IFT25: variants seen among roughly 807,000 people sequenced by gnomAD.
IFT25 encodes the protein intraflagellar transport protein 25 homolog.
chr1:53,938,220 T>G, the IFT25 span, among the ~76,000 whole-genome samples: 5 of 152,202 alleles, frequency 3.3e-5, no homozygotes, highest in South Asian at 1.0e-3. Flanking sequence ...CCTATGCAAA[T>G]GTACAGTTAT....
chr1:53,924,042 A>G, the IFT25 span: 1 of 778,832 alleles, frequency 1.3e-6, no homozygotes, highest in Non-Finnish European at 2.2e-6. Context: ...GATATCTGGT[A>G]AATTATGAGA....
the IFT25 span, among the ~76,000 whole-genome samples, chr1:53,934,163 G>A: frequency 1.3e-5 from 2 of 152,060 alleles, no homozygotes; most frequent in Admixed American, 6.6e-5. Flanking sequence ...TCTTCAACCT[G>A]CAGGATTTCC....
At chr1:53,943,717 G>C in the IFT25 span, among the ~76,000 whole-genome samples, 2 of 151,924 alleles carry the variant, frequency 1.3e-5, no homozygotes, top group African/African-American at 4.8e-5. Flanking sequence ...TCTGCCTCCC[G>C]GGCTCAAGCG....
the IFT25 span, among the ~76,000 whole-genome samples, chr1:53,940,785 C>A: frequency 6.6e-6 from 1 of 152,178 alleles, no homozygotes; most frequent in African/African-American, 2.4e-5. Context: ...TCATGGCTCA[C>A]TGCAGCCCTG....
At chr1:53,927,267 C>G in the IFT25 span, among the ~76,000 whole-genome samples, 1 of 152,152 alleles carries the variant, frequency 6.6e-6, no homozygotes, top group African/African-American at 2.4e-5. Flanking sequence ...AATAAGGTGA[C>G]CAGAAATGAG....
chr1:53,940,454 T>A, the IFT25 span, among the ~76,000 whole-genome samples: 2 of 151,774 alleles, frequency 1.3e-5, no homozygotes, highest in African/African-American at 4.8e-5. Flanking sequence ...AACAAAAGAA[T>A]AAAGAAAAAT....
At chr1:53,914,308 G>A in the IFT25 span, among the ~76,000 whole-genome samples, 2 of 152,122 alleles carry the variant, frequency 1.3e-5, no homozygotes, top group Admixed American at 1.3e-4. Context: ...GTGAGTGGGC[G>A]TCCCATTTTG....
chr1:53,923,235 T>C, the IFT25 span, among the ~76,000 whole-genome samples: 2 of 152,212 alleles, frequency 1.3e-5, no homozygotes, highest in African/African-American at 4.8e-5. Flanking sequence ...GTAAACTTAA[T>C]GGATAAGGTA....
the IFT25 span, among the ~76,000 whole-genome samples, chr1:53,912,209 C>T: frequency 1.2e-4 from 18 of 152,304 alleles, no homozygotes; most frequent in African/African-American, 4.3e-4. Flanking sequence ...TCTTCCAATT[C>T]GTGTCTACAA....
At chr1:53,928,533 C>G in the IFT25 span, 1 of 858,650 alleles carries the variant, frequency 1.2e-6, no homozygotes, top group Non-Finnish European at 1.9e-6. Flanking sequence ...TTATCATGCA[C>G]AGTGGAACTA....
the IFT25 span, among the ~76,000 whole-genome samples, chr1:53,935,905 T>C: frequency 0.013 from 2,030 of 152,300 alleles, 49 homozygotes; most frequent in African/African-American, 0.046. Flanking sequence ...CATGTTTTTC[T>C]TTGGATGCTT....
the IFT25 span, chr1:53,928,412 C>A: frequency 3.1e-6 from 5 of 1,613,160 alleles, no homozygotes; most frequent in Non-Finnish European, 4.2e-6. Context: ...GCTCTTTAGA[C>A]GTGCTTTTTT....
At chr1:53,938,236 C>CAT in the IFT25 span, among the ~76,000 whole-genome samples, 1 of 152,100 alleles carries the variant, frequency 6.6e-6, no homozygotes, top group African/African-American at 2.4e-5. Context: ...GTTATATATA[C>CAT]ATATATATGT....
At chr1:53,926,149 CT>C in the IFT25 span, among the ~76,000 whole-genome samples, 1 of 149,486 alleles carries the variant, frequency 6.7e-6, no homozygotes, top group East Asian at 2.0e-4. Flanking sequence ...TCTCTAAATA[CT>C]TTTTTGTTCT....
chr1:53,937,016 AAAC>A, the IFT25 span, among the ~76,000 whole-genome samples: 1 of 152,156 alleles, frequency 6.6e-6, no homozygotes, highest in Non-Finnish European at 1.5e-5. Context: ...CAGGGCCATA[AAAC>A]AATATTCCAT....
chr1:53,930,111 A>G, the IFT25 span: 1 of 1,576,260 alleles, frequency 6.3e-7, no homozygotes, highest in Non-Finnish European at 8.6e-7. Flanking sequence ...TCCTGGGGAA[A>G]CATTCCTGTG....
At chr1:53,940,063 C>T in the IFT25 span, 4 of 1,605,648 alleles carry the variant, frequency 2.5e-6, no homozygotes, top group South Asian at 1.1e-5. Context: ...AGAGCTCAGA[C>T]AGAGATCAAT....
chr1:53,933,686 T>C, the IFT25 span, among the ~76,000 whole-genome samples: 10 of 152,226 alleles, frequency 6.6e-5, no homozygotes, highest in Admixed American at 1.3e-4. Flanking sequence ...AATCTGATAT[T>C]TAACTGGAGT....
the IFT25 span, chr1:53,921,869 A>C: frequency 2.8e-5 from 20 of 712,926 alleles, no homozygotes; most frequent in Non-Finnish European, 5.1e-5. Flanking sequence ...TAATATTCTA[A>C]ATATATAACA....
Sources: allele counts gnomAD v4.1 joint callset (sites outside exome capture counted in the v4.1 genomes callset), GRCh38; gene constraint gnomAD v4.1.1; transcripts MANE v1.5; gene names NCBI Gene and HGNC (gene_info 2026-07-23, HGNC 2026-07-21).